CNNM1: variants seen among roughly 807,000 people sequenced by gnomAD.
The protein encoded by CNNM1 is metal transporter CNNM1.
In CNNM1, 44 loss-of-function variants were observed where a neutral mutation model predicts 78.8. That is an observed-to-expected ratio of 0.56 (90% CI 0.44 to 0.72). The LOEUF (loss-of-function observed/expected upper bound fraction) is 0.72, where lower values mean the gene tolerates loss of function less well. CNNM1 is among the 30% of genes least tolerant of loss of function. CNNM1 has a pLI of 0.00. For missense variants in CNNM1, 1,101 were observed against 1,292.2 expected (o/e 0.85, Z 2.27); for synonymous variants, 584 against 581.5 (o/e 1.00, Z -0.06).
chr10:99,391,108 A>T (rs1320010311), intron 10 of CNNM1, among the ~76,000 whole-genome samples: 2 of 152,220 alleles, frequency 1.3e-5, no homozygotes, highest in African/African-American at 2.4e-5. Context: ...TGGCAGTCAG[A>T]GGGGCTGGCC....
intron 6 of CNNM1, among the ~76,000 whole-genome samples, chr10:99,368,873 G>T (rs779407916): frequency 6.6e-6 from 1 of 152,188 alleles, no homozygotes; most frequent in African/African-American, 2.4e-5. Context: ...GGTGTCATTT[G>T]TGAGTTTACC....
At chr10:99,364,157 A>C (rs960679939) in intron 4 of CNNM1, among the ~76,000 whole-genome samples, 3 of 152,186 alleles carry the variant, frequency 2.0e-5, no homozygotes, top group Non-Finnish European at 4.4e-5. Flanking sequence ...AAGGGCCACT[A>C]CAGTATGCAA....
At chr10:99,385,475 C>T (rs1262824750) in intron 7 of CNNM1, among the ~76,000 whole-genome samples, 3 of 152,206 alleles carry the variant, frequency 2.0e-5, no homozygotes, top group Non-Finnish European at 4.4e-5. Flanking sequence ...GGACACTGCT[C>T]CTTCCCCCAC....
chr10:99,351,652 C>T (rs144852175), intron 1 of CNNM1, among the ~76,000 whole-genome samples: 3 of 152,158 alleles, frequency 2.0e-5, no homozygotes, highest in Non-Finnish European at 2.9e-5. Flanking sequence ...AGCCCTCATC[C>T]CTGTTCACCA....
chr10:99,361,009 C>G, intron 3 of CNNM1, 34 bp downstream of exon 3: 1 of 1,569,062 alleles, frequency 6.4e-7, no homozygotes, highest in Non-Finnish European at 8.7e-7. Context: ...GAAGCTAAAA[C>G]AGAATCTCTA....
intron 1 of CNNM1, among the ~76,000 whole-genome samples, chr10:99,356,580 G>GAAAAGAAAGAAAGAAAGAAAGAA (rs369960532): frequency 1.8e-5 from 1 of 54,784 alleles, no homozygotes; most frequent in Non-Finnish European, 5.6e-5. Context: ...AAGAAAGAAA[G>GAAAAGAAAGAAAGAAAGAAAGAA]AAAGAAAGAA....
chr10:99,369,048 AC>A (rs2134059799), intron 6 of CNNM1, among the ~76,000 whole-genome samples: 1 of 152,256 alleles, frequency 6.6e-6, no homozygotes, highest in South Asian at 2.1e-4. Flanking sequence ...TTTTCTTTCT[AC>A]CTTTCTTTCC....
chr10:99,343,652 C>T (rs894010538), intron 1 of CNNM1, among the ~76,000 whole-genome samples: 1 of 152,150 alleles, frequency 6.6e-6, no homozygotes, highest in Non-Finnish European at 1.5e-5. Context: ...CCTTCGTTGA[C>T]TAGCTACGAC....
intron 1 of CNNM1, among the ~76,000 whole-genome samples, chr10:99,352,667 G>T (rs762913049): frequency 6.6e-6 from 1 of 152,088 alleles, no homozygotes; most frequent in African/African-American, 2.4e-5. Flanking sequence ...ATCTTCTTTG[G>T]AGAAATATCT....
rs1002666359 is a variant in CNNM1 at position 99,330,820 on chromosome 10, T to C, written c.1433T>C (p.Ile478Thr). 1 of 1,614,192 alleles carries C rather than the reference T, an allele frequency of 6.2e-7. No homozygotes were observed. Among genetic ancestry groups the C allele is most frequent in the Non-Finnish European group, 8.5e-7 (1 of 1,180,034 alleles). Residue 478 changes from isoleucine (I) to threonine (T), a missense_variant, in exon 1 of 11, where the codon ATT (isoleucine) becomes ACT (threonine). This residue lies in a region of CNNM1 where 277 missense variants were observed against 423.2 expected (regional missense o/e 0.65). Transcript: ENST00000356713. ...GACCAGCGGCACAACATTGTGGACA[T>C]TTTATTTGTCAAGGACTTGGCCTTC... The part of the protein sequence containing the change: ...EGDQRHNIVD[I>T]LFVKDLAFVD...
chr10:99,367,161 TC>T (rs1311039581), intron 6 of CNNM1, among the ~76,000 whole-genome samples: 1 of 151,740 alleles, frequency 6.6e-6, no homozygotes, highest in African/African-American at 2.4e-5. Flanking sequence ...CCACCCAGCA[TC>T]TTTCACTGGC....
intron 6 of CNNM1, among the ~76,000 whole-genome samples, chr10:99,375,145 A>G (rs942131230): frequency 2.1e-4 from 32 of 152,324 alleles, no homozygotes; most frequent in African/African-American, 7.5e-4. Context: ...GCAAAGCAAG[A>G]GAGGGGAAAG....
chr10:99,375,753 G>T (rs563041079), intron 6 of CNNM1, among the ~76,000 whole-genome samples: 1 of 152,270 alleles, frequency 6.6e-6, no homozygotes. Context: ...AATCTATAAA[G>T]AATCTGATTT....
At chr10:99,356,562 C>CAGAAAGAAAGAAAAGAAAAGAAAGAA (rs55778106) in intron 1 of CNNM1, among the ~76,000 whole-genome samples, 27 of 98,536 alleles carry the variant, frequency 2.7e-4, no homozygotes, top group South Asian at 2.2e-3. Context: ...GACAGACAGA[C>CAGAAAGAAAGAAAAGAAAAGAAAGAA]AGAAAGAAAG....
At position 99,329,785 on chromosome 10, in the gene CNNM1, G is replaced by T; in HGVS notation, c.398G>T (p.Cys133Phe). ...VPTRPPGPQRCREQSDWASDV... is the reference protein window; with the variant it reads ...VPTRPPGPQRFREQSDWASDV... ...ACTCGCCCCCCGGGACCGCAGCGCT[G>T]CAGGGAGCAGAGCGACTGGGCATCG... is the stretch of plus-strand genomic sequence containing the variant. Residue 133 changes from cysteine to phenylalanine, a missense_variant, in exon 1 of 11, where the codon TGC becomes TTC. Around this residue, in one of 3 missense-constraint regions of CNNM1, gnomAD observed 476 missense variants for 484.5 expected, o/e 0.98. Transcript: ENST00000356713. 1.3e-6 allele frequency: 2 copies of T among 1,488,032 alleles called. No individual in the cohort carries two copies. Among genetic ancestry groups the T allele is most frequent in the Non-Finnish European group, 1.8e-6 (2 of 1,126,656 alleles). 92.2% of individuals were successfully genotyped at this position (1,488,032 alleles called of 1,614,324 possible).
At chr10:99,341,695 C>G (rs546015669) in intron 1 of CNNM1, among the ~76,000 whole-genome samples, 3 of 152,252 alleles carry the variant, frequency 2.0e-5, no homozygotes, top group African/African-American at 7.2e-5. Context: ...AGAGAGGGAG[C>G]CGACACTGTG....
rs907109886 is a variant in CNNM1 at position 99,375,368 on chromosome 10, G to A, written c.2177-1687G>A. ...TTTGAGTGGAGACAGAGATAGGACC[G>A]ATGGGCTCATTATGTCAGATGGATC... is the stretch of plus-strand genomic sequence containing the variant. On this transcript the variant is annotated intron_variant, in intron 6 of 10. Transcript: ENST00000356713. 9.2e-5 allele frequency among the ~76,000 whole-genome samples: 14 copies of A among 152,296 alleles called. No individual in the cohort carries two copies. The East Asian group carries it at 9.7e-4, about 11-fold the overall frequency.
intron 6 of CNNM1, among the ~76,000 whole-genome samples, chr10:99,371,163 C>G (rs537677177): frequency 1.3e-5 from 2 of 152,130 alleles, no homozygotes; most frequent in African/African-American, 4.8e-5. Flanking sequence ...ATCTGGTGCT[C>G]GCACTAGATT....
At chr10:99,336,853 A>G (rs2030210903) in intron 1 of CNNM1, among the ~76,000 whole-genome samples, 2 of 152,138 alleles carry the variant, frequency 1.3e-5, no homozygotes, top group Non-Finnish European at 2.9e-5. Flanking sequence ...CTGTAATTCC[A>G]GTTACTCAGG....
Sources: allele counts gnomAD v4.1 joint callset (sites outside exome capture counted in the v4.1 genomes callset), GRCh38; gene constraint gnomAD v4.1.1; regional missense constraint gnomAD v4.1.1; transcripts MANE v1.5; gene names NCBI Gene and HGNC (gene_info 2026-07-23, HGNC 2026-07-21).